PLCB2: variants seen among roughly 807,000 people sequenced by gnomAD.
The protein encoded by PLCB2 is phospholipase C beta 2.
Under a neutral mutation model 141.7 loss-of-function variants are expected in PLCB2, and 115 were observed. The ratio of observed to expected loss-of-function variants is 0.81; its 90% confidence interval spans 0.70 to 0.95. The LOEUF (loss-of-function observed/expected upper bound fraction) is 0.95. PLCB2 is among the 40% of genes least tolerant of loss of function. The pLI, the probability that PLCB2 is intolerant of heterozygous loss-of-function variation, is 0.00. For synonymous variants in PLCB2, 603 were observed against 595.6 expected (o/e 1.01, Z -0.18); for missense variants, 1,403 against 1,541.1 (o/e 0.91, Z 1.50).
At chr15:40,303,019 C>A (rs1241863976) in intron 3 of PLCB2, among the ~76,000 whole-genome samples, 3 of 152,212 alleles carry the variant, frequency 2.0e-5, no homozygotes, top group Admixed American at 2.0e-4. Flanking sequence ...CCCAGACAGA[C>A]TGGGGTGCTT....
In PLCB2 at chr15:40,297,612, G is replaced by A. The variant is rs1595663705; in HGVS notation, c.1239-7C>T. 5 of 1,612,542 alleles carry A rather than the reference G, an allele frequency of 3.1e-6. No homozygotes were observed. The Admixed American group carries it at 8.3e-5, about 27-fold the overall frequency. On this transcript the variant is annotated splice_polypyrimidine_tract_variant and splice_region_variant and intron_variant, in intron 12 of 31. Coordinates refer to ENST00000260402, the MANE Select transcript of PLCB2 (RefSeq NM_004573.3). The surrounding 1 kb of genome is among the most constrained non-coding windows in gnomAD (Gnocchi z 4.2). ...CTTAGCCTGCTGGCGGGGTCTGCGG[G>A]GAGCAAAAGCGGGGATGGGGTTCAG... is the stretch of plus-strand genomic sequence containing the variant.
chr15:40,302,069 A>G (rs759787718), intron 6 of PLCB2, 37 bp from the exon 7 acceptor site: 2 of 1,613,630 alleles, frequency 1.2e-6, no homozygotes, highest in East Asian at 4.5e-5. Flanking sequence ...TACAGAGAGG[A>G]GTCAGGCCTG....
Position 40,293,461 on chromosome 15 carries a change from G to A in PLCB2, c.2226+99C>T. 6.8e-6 allele frequency: 8 copies of A among 1,173,164 alleles called. No homozygotes were observed. The East Asian group carries it at 7.1e-5, about 10-fold the overall frequency. The allele number at this position is 1,173,164 out of a possible 1,614,324, so 72.7% of individuals were successfully genotyped here. On this transcript the variant is annotated intron_variant, in intron 20 of 31. Coordinates refer to ENST00000260402, the MANE Select transcript of PLCB2 (RefSeq NM_004573.3). ...CCAGGGTGAGGGATGGGAAGAGGAGGAGGAGGAAGGTCAAGGAGCTGCCTT... is the reference window on the plus strand; with the variant it reads ...CCAGGGTGAGGGATGGGAAGAGGAGAAGGAGGAAGGTCAAGGAGCTGCCTT...
chr15:40,303,186 G>A (rs1282483033), intron 3 of PLCB2, 102 bp downstream of exon 3: 12 of 857,600 alleles, frequency 1.4e-5, no homozygotes, highest in Middle Eastern at 2.3e-4. Flanking sequence ...ACCATTCCCC[G>A]TGCTTCAGAA....
chr15:40,291,875 A>C lies in PLCB2; in HGVS notation c.2576T>G (p.Leu859Trp). ...TGGTGACCCATTGCTCGTTGGGGCC[A>C]ACGCCCCATTGACCTGGCTGGCAAC... The part of the protein sequence containing the change: ...SPVASQVNGA[L>W]APTSNGSPAA... The change falls in exon 24 of 32, where the codon TTG (leucine) becomes TGG (tryptophan). Residue 859 changes from leucine to tryptophan, a missense_variant. Leu to Trp is a moderately conservative substitution (Grantham distance 61). Around this residue, in one of 4 missense-constraint regions of PLCB2, gnomAD observed 975 missense variants for 1,141.1 expected, o/e 0.85. Coordinates refer to ENST00000260402, the MANE Select transcript of PLCB2 (RefSeq NM_004573.3). The C allele has an allele frequency of 6.2e-7, 1 of 1,614,156 alleles. No individual in the cohort carries two copies. Among genetic ancestry groups the C allele is most frequent in the Non-Finnish European group, 8.5e-7 (1 of 1,179,960 alleles).
intron 7 of PLCB2, chr15:40,300,647 C>T (rs1363451884): frequency 6.6e-6 from 1 of 152,200 alleles, no homozygotes; most frequent in Non-Finnish European, 1.5e-5. Flanking sequence ...GAAATGAATA[C>T]AGCCTGACAT....
chr15:40,294,716 A>C (rs1203740815), intron 18 of PLCB2, among the ~76,000 whole-genome samples: 1 of 152,126 alleles, frequency 6.6e-6, no homozygotes, highest in East Asian at 1.9e-4. Flanking sequence ...GCCAGAACCC[A>C]CGCCGGCAGC....
chr15:40,301,738 C>T (rs2305647), intron 7 of PLCB2: 630,075 of 706,040 alleles, frequency 0.89, 284,434 homozygotes, highest in Admixed American at 0.93. Flanking sequence ...GTAGGGGATA[C>T]AGACAAACCT....
intron 28 of PLCB2, 39 bp from the exon 29 acceptor site, chr15:40,290,711 C>G: frequency 6.2e-7 from 1 of 1,612,246 alleles, no homozygotes; most frequent in East Asian, 2.2e-5. Context: ...TTTTGTGCGG[C>G]TGAGCCCTTG....
At chr15:40,304,434 T>C (rs2040694001) in intron 1 of PLCB2, among the ~76,000 whole-genome samples, 1 of 152,128 alleles carries the variant, frequency 6.6e-6, no homozygotes, top group South Asian at 2.1e-4. Flanking sequence ...TCCAAGGCCC[T>C]GCACAATCCA....
At chr15:40,305,724 A>C (rs1202637926) in intron 1 of PLCB2, among the ~76,000 whole-genome samples, 1 of 152,210 alleles carries the variant, frequency 6.6e-6, no homozygotes, top group Non-Finnish European at 1.5e-5. Context: ...CCAGAGAAAG[A>C]ATCAGCTTTA....
At position 40,304,052 on chromosome 15, in the gene PLCB2, G is replaced by T. The variant is rs577896997; in HGVS notation, c.111C>A (p.Ile37=). The part of the protein sequence containing the change: ...DDETTVASPV[I]LRVDPKGYYL... ...AGTAGCCCTTAGGATCCACACGGAG[G>T]ATAACTGGAGAGGCAACTGTAGTTT... The change falls in exon 2 of 32, where the codon ATC becomes ATA. Residue 37 remains isoleucine, a synonymous_variant. Coordinates refer to ENST00000260402, the MANE Select transcript of PLCB2 (RefSeq NM_004573.3). 2.5e-6 allele frequency: 4 copies of T among 1,600,740 alleles called. No individual in the cohort carries two copies. The South Asian group carries it at 4.5e-5, about 18-fold the overall frequency.
intron 7 of PLCB2, 120 bp downstream of exon 7, chr15:40,301,837 C>G: frequency 2.3e-6 from 2 of 877,400 alleles, no homozygotes; most frequent in Non-Finnish European, 3.7e-6. Context: ...GATTGGCTCT[C>G]CAGGCTCTTG....
At chr15:40,286,975 A>C (rs1412293342), downstream of PLCB2, among the ~76,000 whole-genome samples, 1 of 152,216 alleles carries the variant, frequency 6.6e-6, no homozygotes, top group Admixed American at 6.5e-5. Flanking sequence ...CTGTACAGTC[A>C]TCAGCAAAAT....
In PLCB2 at chr15:40,291,161, C is replaced by T. The variant is rs768444275; in HGVS notation, c.2893G>A (p.Ala965Thr). Residue 965 changes from alanine to threonine, a missense_variant, in exon 27 of 32, where the codon GCC (alanine) becomes ACC (threonine). Around this residue, in one of 4 missense-constraint regions of PLCB2, gnomAD observed 290 missense variants for 245.9 expected, o/e 1.18. Transcript: ENST00000260402. Reference sequence around the variant, plus strand: ...GGGCCCTCGCCCGGCGCGGCTCCGGCGCTCTCCTCGCGGGGCAGGCTCCTG... The same window carrying T: ...GGGCCCTCGCCCGGCGCGGCTCCGGTGCTCTCCTCGCGGGGCAGGCTCCTG... ...KKRSLPREES[A>T]GAAPGEGPEG... The T allele has an allele frequency of 1.6e-4, 258 of 1,569,812 alleles. No individual in the cohort carries two copies. The highest frequency in any genetic ancestry group is 6.6e-4 in the Admixed American group (37 of 56,196).
In PLCB2 at chr15:40,295,007, G is replaced by T. The variant is rs2040131006; in HGVS notation, c.1835C>A (p.Ser612Tyr). 6.2e-7 allele frequency: 1 copy of T among 1,614,042 alleles called. No individual in the cohort carries two copies. Among genetic ancestry groups the T allele is most frequent in the Non-Finnish European group, 8.5e-7 (1 of 1,179,944 alleles). Residue 612 changes from serine (S) to tyrosine (Y), a missense_variant, in exon 18 of 32, where the codon TCC becomes TAC. By Grantham distance (144) the Ser-to-Tyr change is moderately radical (BLOSUM62 -2). Coordinates refer to ENST00000260402, the MANE Select transcript of PLCB2 (RefSeq NM_004573.3). ...GAACATCTGGGGCATGTAGTTGGAG[G>T]AGTCCATGCGGGTTCCCTTGGGGTA... The part of the protein sequence containing the change: ...RIYPKGTRMD[S>Y]SNYMPQMFWN...
At chr15:40,305,556 G>C (rs2040754975) in intron 1 of PLCB2, among the ~76,000 whole-genome samples, 1 of 152,198 alleles carries the variant, frequency 6.6e-6, no homozygotes, top group African/African-American at 2.4e-5. Flanking sequence ...ATGGGAGAGT[G>C]GGGGCAAAGG....
At chr15:40,301,548 C>A (rs756228926) in intron 7 of PLCB2, 2 of 702,874 alleles carry the variant, frequency 2.8e-6, no homozygotes, top group Non-Finnish European at 5.2e-6. Context: ...CGACACGCTG[C>A]AGACTTCCAG....
At chr15:40,291,947 G>A in intron 23 of PLCB2, 23 bp from the exon 24 acceptor site, 1 of 1,613,420 alleles carries the variant, frequency 6.2e-7, no homozygotes, top group Non-Finnish European at 8.5e-7. Flanking sequence ...AGCAGGTCAG[G>A]AAGGTGGCTT....
Sources: allele counts gnomAD v4.1 joint callset (sites outside exome capture counted in the v4.1 genomes callset), GRCh38; gene constraint gnomAD v4.1.1; regional missense constraint gnomAD v4.1.1; non-coding constraint Gnocchi (gnomAD v3.1); transcripts MANE v1.5; gene names NCBI Gene and HGNC (gene_info 2026-07-23, HGNC 2026-07-21).